The following CTNNA2 variants were observed in gnomAD, a reference collection of about 807,000 sequenced individuals.
CTNNA2 encodes catenin alpha 2.
Under a neutral mutation model 101.0 loss-of-function variants are expected in CTNNA2, and 42 were observed. That is an observed-to-expected ratio of 0.42 (90% CI 0.32 to 0.54). The LOEUF (loss-of-function observed/expected upper bound fraction) is 0.54. Ranked by LOEUF, CTNNA2 falls within the 20% of genes least tolerant of loss-of-function variation. The probability of loss-of-function intolerance (pLI) is 0.14; values close to 1 mark genes in which losing one functional copy is unlikely to be tolerated. For synonymous variants in CTNNA2, 450 were observed against 456.4 expected (o/e 0.99, Z 0.18); for missense variants, 871 against 1,223.1 (o/e 0.71, Z 4.29).
intron 7 of CTNNA2, among the ~76,000 whole-genome samples, chr2:80,279,504 C>T (rs898810122): frequency 6.6e-6 from 1 of 152,136 alleles, no homozygotes; most frequent in Non-Finnish European, 1.5e-5. Flanking sequence ...AGGCATCTTC[C>T]AGTTGTGATA....
chr2:79,294,424 A>G (rs1408071915), intron 2 of CTNNA2, among the ~76,000 whole-genome samples: 2 of 152,104 alleles, frequency 1.3e-5, no homozygotes, highest in East Asian at 1.9e-4. Flanking sequence ...AAATACAGCC[A>G]TATTGGGGTT....
chr2:79,513,835 T>A (rs576280204), intron 1 of CTNNA2, among the ~76,000 whole-genome samples: 4 of 152,236 alleles, frequency 2.6e-5, no homozygotes, highest in Non-Finnish European at 5.9e-5. Flanking sequence ...ATATTTCCAG[T>A]GTGTGTCTCA....
chr2:80,624,031 C>T (rs191825309), intron 18 of CTNNA2, among the ~76,000 whole-genome samples: 3 of 151,860 alleles, frequency 2.0e-5, no homozygotes. Flanking sequence ...GAAAGTGAGA[C>T]AAGAAACTGT....
At chr2:80,375,085 C>T (rs1675815584) in intron 7 of CTNNA2, among the ~76,000 whole-genome samples, 1 of 152,126 alleles carries the variant, frequency 6.6e-6, no homozygotes, top group Non-Finnish European at 1.5e-5. Flanking sequence ...TCCTTCTACC[C>T]CTGGAGTCAC....
intron 6 of CTNNA2, among the ~76,000 whole-genome samples, chr2:79,892,044 T>A (rs934124059): frequency 6.6e-6 from 1 of 152,158 alleles, no homozygotes; most frequent in Admixed American, 6.5e-5. Flanking sequence ...ATTGTTAATA[T>A]TTTATCATAT....
intron 4 of CTNNA2, among the ~76,000 whole-genome samples, chr2:79,475,680 T>A (rs76015405): frequency 7.0e-5 from 1 of 14,266 alleles, no homozygotes; most frequent in African/African-American, 3.8e-4. Flanking sequence ...CTTTGAATAC[T>A]TTTTTTTTTG....
chr2:79,321,795 A>G (rs1392254689), intron 3 of CTNNA2, among the ~76,000 whole-genome samples: 20 of 79,824 alleles, frequency 2.5e-4, no homozygotes, highest in African/African-American at 1.1e-3. Flanking sequence ...CTGTGTTTGC[A>G]CACACACACA....
At chr2:80,606,412 A>ACACACC (rs1011187162) in intron 16 of CTNNA2, among the ~76,000 whole-genome samples, 17 of 48,684 alleles carry the variant, frequency 3.5e-4, no homozygotes, top group Admixed American at 1.7e-3. Flanking sequence ...ACACACACAC[A>ACACACC]CCCCCCAGGA....
intron 7 of CTNNA2, among the ~76,000 whole-genome samples, chr2:80,247,735 A>AT (rs914767325): frequency 2.6e-5 from 4 of 151,158 alleles, no homozygotes; most frequent in Admixed American, 6.6e-5. Flanking sequence ...TTCTGAATGA[A>AT]TTTTTTTTTG....
chr2:80,405,164 A>C (rs998829467), intron 8 of CTNNA2, among the ~76,000 whole-genome samples: 1 of 152,208 alleles, frequency 6.6e-6, no homozygotes, highest in Non-Finnish European at 1.5e-5. Flanking sequence ...TATGAAGGTC[A>C]GAAAAGTAAA....
At chr2:80,422,278 C>T (rs1263105379) in intron 9 of CTNNA2, among the ~76,000 whole-genome samples, 3 of 152,156 alleles carry the variant, frequency 2.0e-5, no homozygotes, top group Non-Finnish European at 4.4e-5. Context: ...GACTTATTCA[C>T]TACCAGGAGA....
At chr2:79,233,789 T>TG (rs1342271148) in intron 2 of CTNNA2, among the ~76,000 whole-genome samples, 2 of 152,064 alleles carry the variant, frequency 1.3e-5, no homozygotes, top group African/African-American at 2.4e-5. Context: ...AATGAACCCT[T>TG]TATCATTATG....
chr2:79,627,874 A>G (rs1319378210), intron 1 of CTNNA2, among the ~76,000 whole-genome samples: 3 of 152,170 alleles, frequency 2.0e-5, no homozygotes, highest in Non-Finnish European at 4.4e-5. Context: ...ATACTTTTCA[A>G]AACAGACATT....
chr2:79,957,116 C>G (rs541984654), intron 7 of CTNNA2, among the ~76,000 whole-genome samples: 4 of 152,236 alleles, frequency 2.6e-5, no homozygotes, highest in African/African-American at 9.6e-5. Context: ...AAATGCTTAG[C>G]ATCTCATGCT....
At chr2:79,928,806 T>C (rs776392281) in intron 7 of CTNNA2, among the ~76,000 whole-genome samples, 2 of 152,178 alleles carry the variant, frequency 1.3e-5, no homozygotes, top group Non-Finnish European at 2.9e-5. Context: ...TTGATAGATT[T>C]ATCAGGTGAT....
At chr2:79,831,386 A>G (rs565567507) in intron 3 of CTNNA2, among the ~76,000 whole-genome samples, 4 of 152,260 alleles carry the variant, frequency 2.6e-5, no homozygotes, top group South Asian at 4.1e-4. Context: ...CATATTTACA[A>G]TATTTTCACT....
intron 7 of CTNNA2, chr2:80,301,947 T>G: frequency 3.6e-6 from 1 of 279,900 alleles, no homozygotes; most frequent in Non-Finnish European, 6.6e-6. Context: ...ATTGGTACCT[T>G]TTTTACACTC....
At chr2:80,079,806 C>G (rs1224865744) in intron 7 of CTNNA2, among the ~76,000 whole-genome samples, 1 of 62,704 alleles carries the variant, frequency 1.6e-5, no homozygotes, top group African/African-American at 5.0e-5. Flanking sequence ...GAGGGAGACT[C>G]CGTCTCAAAA....
At chr2:79,750,997 A>G (rs1209579781) in intron 3 of CTNNA2, among the ~76,000 whole-genome samples, 2 of 152,196 alleles carry the variant, frequency 1.3e-5, no homozygotes, top group Non-Finnish European at 2.9e-5. Flanking sequence ...TTCTGCAGGT[A>G]CACAGGAATA....
Sources: gnomAD v4.1 joint callset for allele counts (sites outside exome capture counted in the v4.1 genomes callset) on GRCh38, gnomAD v4.1.1 for gene constraint, MANE v1.5 for transcripts, NCBI Gene and HGNC (gene_info 2026-07-23, HGNC 2026-07-21) for gene names.